MYOM3: variants seen among roughly 807,000 people sequenced by gnomAD.
The protein encoded by MYOM3 is myomesin 3.
In MYOM3, 155 loss-of-function variants were observed where a neutral mutation model predicts 191.7. The ratio of observed to expected loss-of-function variants is 0.81; its 90% confidence interval spans 0.71 to 0.92. MYOM3 has a LOEUF of 0.92. Among genes scored for constraint, MYOM3 ranks in the 40% least tolerant of loss-of-function variants. The pLI is 0.00. For missense variants in MYOM3, 1,889 were observed against 1,890.6 expected, an observed-to-expected ratio of 1.00 and a Z score of 0.02; for synonymous variants, 757 against 762.9, an observed-to-expected ratio of 0.99 and a Z score of 0.13.
At chr1:24,068,501 G>GTAAC (rs1425991469) in intron 25 of MYOM3, 134 bp from the exon 26 acceptor site, 1 of 1,026,054 alleles carries the variant, frequency 9.7e-7, no homozygotes, top group African/African-American at 1.6e-5. Context: ...TGGCCGTTGG[G>GTAAC]TAACCCTCTG....
chr1:24,071,023 AG>A, intron 25 of MYOM3, 93 bp downstream of exon 25: 4 of 1,441,412 alleles, frequency 2.8e-6, no homozygotes, highest in South Asian at 1.3e-5. Flanking sequence ...AATGGCCACT[AG>A]GGGGAAGTAC....
intron 5 of MYOM3, among the ~76,000 whole-genome samples, chr1:24,101,410 C>G (rs1313601329): frequency 1.3e-5 from 2 of 152,138 alleles, no homozygotes; most frequent in Non-Finnish European, 2.9e-5. Context: ...GGGGTTAGAC[C>G]CTAGGATCAG....
chr1:24,061,450 C>A, intron 33 of MYOM3, 141 bp from the exon 34 acceptor site: 1 of 825,834 alleles, frequency 1.2e-6, no homozygotes, highest in Non-Finnish European at 2.0e-6. Flanking sequence ...GGGGCAGTGG[C>A]AGGACTGCGT....
At chr1:24,081,070 G>A (rs1643662210) in intron 19 of MYOM3, among the ~76,000 whole-genome samples, 1 of 152,230 alleles carries the variant, frequency 6.6e-6, no homozygotes, top group African/African-American at 2.4e-5. Context: ...AAGCAGGCAG[G>A]CTCTCGAGTT....
In MYOM3 at chr1:24,058,967, A is replaced by G. The variant is rs932391463; in HGVS notation, c.4007T>C (p.Val1336Ala). The G allele has an allele frequency of 2.5e-6, 4 of 1,611,832 alleles. No individual in the cohort carries two copies. The highest frequency in any genetic ancestry group is 3.4e-6 in the Non-Finnish European group (4 of 1,179,188). The change falls in exon 36 of 37, where the codon GTG (valine) becomes GCG (alanine). Residue 1336 changes from valine (V) to alanine (A), a missense_variant. Transcript: ENST00000374434. ...LAIIEKNRAK[V>A]VRGLPDVATI... ...GGCCACATCCGGCAGACCTCTCACCACTTTGGCACGATCTGGAAGGGAAAT... is the reference window on the plus strand; with the variant it reads ...GGCCACATCCGGCAGACCTCTCACCGCTTTGGCACGATCTGGAAGGGAAAT...
Position 24,088,968 on chromosome 1 carries a change from AT to A in MYOM3, c.1614+569del, listed in dbSNP as rs543907643. On this transcript the variant is annotated intron_variant, in intron 14 of 36. Coordinates refer to ENST00000374434, the MANE Select transcript of MYOM3 (RefSeq NM_152372.4). Reference sequence around the variant, plus strand: ...ACAGCACAAGGAAGGATTTGAATAGATTTTGACACCATGCTGTCTTCTACTC... The same window carrying A: ...ACAGCACAAGGAAGGATTTGAATAGATTTGACACCATGCTGTCTTCTACTC... Among the ~76,000 whole-genome samples the A allele has an allele frequency of 5.4e-4, 82 of 152,242 alleles. 1 individual carries two copies. The highest frequency in any genetic ancestry group is 1.9e-3 in the African/African-American group (80 of 41,532).
chr1:24,092,290 G>C lies in MYOM3; in HGVS notation c.1116C>G (p.Ala372=). The C allele has an allele frequency of 2.2e-6, 3 of 1,361,764 alleles. No individual in the cohort carries two copies. The highest frequency in any genetic ancestry group is 2.9e-6 in the Non-Finnish European group (3 of 1,046,702). 84.4% of individuals were successfully genotyped at this position (1,361,764 alleles called of 1,614,324 possible). Residue 372 remains alanine, a synonymous_variant, in exon 11 of 37, where the codon GCC becomes GCG. Coordinates refer to ENST00000374434, the MANE Select transcript of MYOM3 (RefSeq NM_152372.4). The stretch of plus-strand genomic sequence containing the variant: ...ATCGGACGTTCAGTGGGGAGCCTGG[G>C]GCCCCGGGGTTCTCGGCCTCGGCAT... ...VRDAEAENPG[A]PGSPLNVRCL...
chr1:24,081,288 G>C (rs761223485), intron 19 of MYOM3, 42 bp downstream of exon 19: 1 of 1,609,400 alleles, frequency 6.2e-7, no homozygotes, highest in South Asian at 1.1e-5. Flanking sequence ...TTGGGAAGGA[G>C]GGAAGGGCAG....
Position 24,108,590 on chromosome 1 carries a change from G to T in MYOM3, c.47C>A (p.Pro16His), listed in dbSNP as rs754981853. ...CAGCCTGTGAACCTCCATGGCCTGG[G>T]GGGGCCGGGGGTCCCCCGCACCTCC... Reference protein sequence around the residue: ...SLGGAGDPRPPQAMEVHRLEH... With the variant: ...SLGGAGDPRPHQAMEVHRLEH... The change falls in exon 2 of 37, where the codon CCC (proline) becomes CAC (histidine). Residue 16 changes from proline to histidine, a missense_variant. By Grantham distance (77) the Pro-to-His change is moderately conservative. Coordinates refer to ENST00000374434, the MANE Select transcript of MYOM3 (RefSeq NM_152372.4). 20 of 1,568,638 alleles carry T rather than the reference G, an allele frequency of 1.3e-5. No homozygotes were observed. The highest frequency in any genetic ancestry group is 1.6e-5 in the Non-Finnish European group (18 of 1,158,900).
rs111779404 is a variant in MYOM3 at position 24,094,910 on chromosome 1, A to C, written c.871T>G (p.Ser291Ala). Residue 291 changes from serine to alanine, a missense_variant, in exon 9 of 37, where the codon TCA becomes GCA. Transcript: ENST00000374434. ...FAREKEPFSL[S>A]CLFSEDVLDA... ...AACACATCTTCCGAAAACAAGCATG[A>C]CAGGGAGAAGGGTTCCTTCTCACGA... 2 of 1,614,104 alleles carry C rather than the reference A, an allele frequency of 1.2e-6. No individual in the cohort carries two copies. Among genetic ancestry groups the C allele is most frequent in the African/African-American group, 1.3e-5 (1 of 75,050 alleles).
chr1:24,090,628 C>T (rs376115584), intron 12 of MYOM3, among the ~76,000 whole-genome samples, 169 bp downstream of exon 12: 11 of 152,204 alleles, frequency 7.2e-5, no homozygotes, highest in Admixed American at 3.3e-4. Flanking sequence ...TGGAAGTTCT[C>T]GAGGGCTGGC....
At chr1:24,091,063 A>G in intron 11 of MYOM3, 67 bp from the exon 12 acceptor site, 1 of 1,546,322 alleles carries the variant, frequency 6.5e-7, no homozygotes, top group African/African-American at 1.4e-5. Context: ...GTGAGCCTCT[A>G]CAAGGGCCTT....
Position 24,089,536 on chromosome 1 carries a change from A to C in MYOM3, c.1614+2T>G. The C allele has an allele frequency of 6.3e-7, 1 of 1,596,390 alleles. No homozygotes were observed. Among genetic ancestry groups the C allele is most frequent in the Non-Finnish European group, 8.5e-7 (1 of 1,171,670 alleles). ...TGGGGCTGGGGCCTCGGGGTTCCCT[A>C]CCTTCTCCAGGGAGTACGTCAGTGG... is the stretch of plus-strand genomic sequence containing the variant. On this transcript the variant is annotated splice_donor_variant, in intron 14 of 36. Coordinates refer to ENST00000374434, the MANE Select transcript of MYOM3 (RefSeq NM_152372.4). LOFTEE classifies it high-confidence loss of function.
intron 5 of MYOM3, among the ~76,000 whole-genome samples, chr1:24,104,721 A>G (rs901519562): frequency 5.9e-5 from 9 of 152,112 alleles, no homozygotes; most frequent in African/African-American, 2.2e-4. Flanking sequence ...GCTAATTTTT[A>G]AATTTCCTGT....
intron 32 of MYOM3, 98 bp from the exon 33 acceptor site, chr1:24,062,207 A>C: frequency 1.5e-6 from 2 of 1,362,912 alleles, no homozygotes; most frequent in African/African-American, 1.4e-5. Context: ...TTTTGAGATC[A>C]CGGGCTATGG....
At chr1:24,107,485 C>G (rs1293021795) in intron 3 of MYOM3, among the ~76,000 whole-genome samples, 2 of 152,192 alleles carry the variant, frequency 1.3e-5, no homozygotes, top group Non-Finnish European at 2.9e-5. Context: ...TTCACGACAG[C>G]CAAGTGGCCA....
At position 24,108,626 on chromosome 1, in the gene MYOM3, G is replaced by A. The variant is rs759931633; in HGVS notation, c.11C>T (p.Pro4Leu). MTL[P>L]HSLGGAGDPR... Reference sequence around the variant, plus strand: ...GTCCCCCGCACCTCCCAAGCTGTGCGGCAGAGTCATGGTTACGAGAGCAAC... The same window carrying A: ...GTCCCCCGCACCTCCCAAGCTGTGCAGCAGAGTCATGGTTACGAGAGCAAC... Residue 4 changes from proline (P) to leucine (L), a missense_variant, in exon 2 of 37, where the codon CCG becomes CTG. Coordinates refer to ENST00000374434, the MANE Select transcript of MYOM3 (RefSeq NM_152372.4). 4.5e-6 allele frequency: 7 copies of A among 1,559,532 alleles called. No individual in the cohort carries two copies. The highest frequency in any genetic ancestry group is 1.4e-5 in the African/African-American group (1 of 72,918).
chr1:24,074,189 A>T lies in MYOM3; in HGVS notation c.2939T>A (p.Ile980Asn), dbSNP rs1251650058. The T allele has an allele frequency of 2.5e-6, 4 of 1,613,816 alleles. No homozygotes were observed. The East Asian group carries it at 8.9e-5, about 36-fold the overall frequency. Reference sequence around the variant, plus strand: ...CTCGGTTAGCGTGTGGCTTGCGGAGATGTCTTCATCGGCATCAGTGACTAT... The same window carrying T: ...CTCGGTTAGCGTGTGGCTTGCGGAGTTGTCTTCATCGGCATCAGTGACTAT... ...SVIVTDADED[I>N]SASHTLTEEE... is the part of the protein sequence containing the mutation. Residue 980 changes from isoleucine (I) to asparagine (N), a missense_variant, in exon 23 of 37, where the codon ATC becomes AAC. Coordinates refer to ENST00000374434, the MANE Select transcript of MYOM3 (RefSeq NM_152372.4).
chr1:24,061,641 G>A (rs1643371338), intron 33 of MYOM3, among the ~76,000 whole-genome samples: 1 of 152,050 alleles, frequency 6.6e-6, no homozygotes, highest in African/African-American at 2.4e-5. Flanking sequence ...GTACAGTGGT[G>A]TGATCACAGC....
Sources: gnomAD v4.1 joint callset for allele counts (sites outside exome capture counted in the v4.1 genomes callset) on GRCh38, gnomAD v4.1.1 for gene constraint, MANE v1.5 for transcripts, NCBI Gene and HGNC (gene_info 2026-07-23, HGNC 2026-07-21) for gene names.